Variants in EDAR observed in about 807,000 individuals in gnomAD.
The protein encoded by EDAR is tumor necrosis factor receptor superfamily member EDAR.
A neutral mutation model predicts 51.3 loss-of-function variants in EDAR; 38 were observed. That is an observed-to-expected ratio of 0.74 (90% CI 0.57 to 0.97). EDAR has a LOEUF of 0.97. EDAR is among the 50% of genes least tolerant of loss of function. The pLI is 0.00. For missense variants in EDAR, 528 were observed against 595.0 expected (o/e 0.89, Z 1.17); for synonymous variants, 227 against 242.1 (o/e 0.94, Z 0.58).
chr2:108,942,418 A>T (rs1308302789), intron 1 of EDAR, among the ~76,000 whole-genome samples: 1 of 152,186 alleles, frequency 6.6e-6, no homozygotes, highest in Non-Finnish European at 1.5e-5. Context: ...AAGCGAGTCA[A>T]GGGGCCTGGG....
At position 108,931,026 on chromosome 2, in the gene EDAR, G is replaced by A; in HGVS notation, c.-12C>T. The stretch of plus-strand genomic sequence containing the variant: ...CCCACATGGGCCATCCTCTCCCAAG[G>A]GCTCACCTGAAAGACATGCGTCATT... On this transcript the variant is annotated 5_prime_UTR_variant, in exon 2 of 12. Transcript: ENST00000258443. The A allele has an allele frequency of 6.2e-7, 1 of 1,613,988 alleles. No individual in the cohort carries two copies. Among genetic ancestry groups the A allele is most frequent in the Non-Finnish European group, 8.5e-7 (1 of 1,180,002 alleles).
intron 1 of EDAR, among the ~76,000 whole-genome samples, chr2:108,983,136 C>T (rs533039702): frequency 1.3e-5 from 2 of 152,304 alleles, no homozygotes; most frequent in East Asian, 1.9e-4. Flanking sequence ...CCCTTGGCCA[C>T]GCTTCTTGGA....
chr2:108,906,213 C>T (rs368768003), intron 11 of EDAR, 95 bp downstream of exon 11: 4 of 1,346,758 alleles, frequency 3.0e-6, no homozygotes, highest in African/African-American at 2.9e-5. Flanking sequence ...GGCGGCTTCC[C>T]TCAGTTCCCC....
At chr2:108,953,737 T>C (rs1457592950) in intron 1 of EDAR, among the ~76,000 whole-genome samples, 1 of 152,008 alleles carries the variant, frequency 6.6e-6, no homozygotes, top group Non-Finnish European at 1.5e-5. Context: ...CTGGTGGCGA[T>C]GGAAACAATA....
At chr2:108,902,315 G>A (rs766217569) in intron 11 of EDAR, among the ~76,000 whole-genome samples, 7 of 152,126 alleles carry the variant, frequency 4.6e-5, no homozygotes, top group Non-Finnish European at 1.0e-4. Context: ...GGCAGAGGTT[G>A]CAGTGAGCGA....
intron 4 of EDAR, among the ~76,000 whole-genome samples, chr2:108,924,556 T>A (rs1697216105): frequency 6.6e-6 from 1 of 152,184 alleles, no homozygotes; most frequent in Non-Finnish European, 1.5e-5. Flanking sequence ...ATCTCTTTTT[T>A]ATTAGCCAGG....
chr2:108,925,082 G>A (rs1400531728), intron 4 of EDAR, among the ~76,000 whole-genome samples: 1 of 151,782 alleles, frequency 6.6e-6, no homozygotes, highest in Non-Finnish European at 1.5e-5. Context: ...CACCTAGGGG[G>A]ATTGGTCCCG....
chr2:108,960,651 A>T (rs993111210), intron 1 of EDAR, among the ~76,000 whole-genome samples: 1 of 152,230 alleles, frequency 6.6e-6, no homozygotes, highest in Non-Finnish European at 1.5e-5. Flanking sequence ...ATTGTAAAGA[A>T]GTTTTCAAAC....
chr2:108,955,594 G>A (rs1336384618), intron 1 of EDAR, among the ~76,000 whole-genome samples: 1 of 152,022 alleles, frequency 6.6e-6, no homozygotes, highest in Admixed American at 6.6e-5. Flanking sequence ...TGTAATCCCA[G>A]CTACCTGGGA....
intron 11 of EDAR, among the ~76,000 whole-genome samples, chr2:108,905,465 C>T (rs1696783441): frequency 6.7e-6 from 1 of 150,266 alleles, no homozygotes. Flanking sequence ...TTATTTCTGG[C>T]CAACAAAGCA....
chr2:108,921,976 A>C (rs1005918398), intron 5 of EDAR, among the ~76,000 whole-genome samples: 1 of 152,122 alleles, frequency 6.6e-6, no homozygotes, highest in Non-Finnish European at 1.5e-5. Context: ...TGGGGGTGGG[A>C]GTGGGGTGCG....
intron 1 of EDAR, among the ~76,000 whole-genome samples, chr2:108,936,554 G>A (rs1225887517): frequency 6.6e-6 from 1 of 152,124 alleles, no homozygotes; most frequent in Non-Finnish European, 1.5e-5. Context: ...AGACCCAAGG[G>A]GAGGCTGCTG....
At chr2:108,960,031 G>A (rs1043915193) in intron 1 of EDAR, among the ~76,000 whole-genome samples, 10 of 152,132 alleles carry the variant, frequency 6.6e-5, no homozygotes, top group African/African-American at 1.7e-4. Flanking sequence ...ACGTGGCCAC[G>A]GTGGCTCTGA....
intron 1 of EDAR, among the ~76,000 whole-genome samples, chr2:108,950,576 C>G (rs962722997): frequency 1.3e-5 from 2 of 152,222 alleles, no homozygotes; most frequent in African/African-American, 2.4e-5. Flanking sequence ...GAAAGCTGGA[C>G]AGTGTGTGAC....
intron 1 of EDAR, among the ~76,000 whole-genome samples, chr2:108,956,674 AT>A (rs1697930967): frequency 6.6e-6 from 1 of 152,142 alleles, no homozygotes; most frequent in African/African-American, 2.4e-5. Context: ...TGCCACCAGA[AT>A]TTGCTGAAAA....
At chr2:108,972,951 A>C (rs1698261909) in intron 1 of EDAR, among the ~76,000 whole-genome samples, 1 of 152,172 alleles carries the variant, frequency 6.6e-6, no homozygotes, top group Admixed American at 6.5e-5. Context: ...TCTTAGGAAG[A>C]GGTCTCAGCA....
chr2:108,912,136 G>A (rs914567626), intron 6 of EDAR, among the ~76,000 whole-genome samples: 1 of 152,142 alleles, frequency 6.6e-6, no homozygotes, highest in Non-Finnish European at 1.5e-5. Context: ...ACCTGGGCCC[G>A]AAACATGCTT....
chr2:108,960,332 G>A (rs1698014589), intron 1 of EDAR, among the ~76,000 whole-genome samples: 1 of 152,244 alleles, frequency 6.6e-6, no homozygotes, highest in Non-Finnish European at 1.5e-5. Flanking sequence ...AGTGCTCACT[G>A]CCTCAGAATG....
intron 1 of EDAR, among the ~76,000 whole-genome samples, chr2:108,932,667 A>G (rs1400216191): frequency 6.6e-6 from 1 of 152,104 alleles, no homozygotes; most frequent in Non-Finnish European, 1.5e-5. Flanking sequence ...ACTGACATGG[A>G]CAATCTTCTT....
Sources: gnomAD v4.1 joint callset for allele counts (sites outside exome capture counted in the v4.1 genomes callset) on GRCh38, gnomAD v4.1.1 for gene constraint, MANE v1.5 for transcripts, NCBI Gene and HGNC (gene_info 2026-07-23, HGNC 2026-07-21) for gene names.